HHAT: variants seen among roughly 807,000 people sequenced by gnomAD.
The protein encoded by HHAT is protein-cysteine N-palmitoyltransferase HHAT.
HHAT carries 47 observed loss-of-function variants against 70.8 expected under a neutral mutation model. The ratio of observed to expected loss-of-function variants is 0.66; its 90% CI spans 0.53 to 0.85. The LOEUF is 0.85. Ranked by LOEUF, HHAT falls within the 40% of genes least tolerant of loss-of-function variation. The probability of loss-of-function intolerance (pLI) is 0.00; values close to 1 mark genes in which losing one functional copy is unlikely to be tolerated. For missense variants in HHAT, 609 were observed against 604.8 expected, an observed-to-expected ratio of 1.01 and a Z score of -0.07; for synonymous variants, 228 against 247.6, an observed-to-expected ratio of 0.92 and a Z score of 0.74.
rs146187564 is a variant in HHAT at position 210,418,243 on chromosome 1, C to G, written c.774C>G (p.Ala258=). 2.5e-6 allele frequency: 4 copies of G among 1,613,936 alleles called. No homozygotes were observed. Among genetic ancestry groups the G allele is most frequent in the Non-Finnish European group, 3.4e-6 (4 of 1,179,950 alleles). ...LGRLLCWWWL[A]ELMAHLMYMH... Reference sequence around the variant, plus strand: ...GCCTTCTTTGCTGGTGGTGGCTGGCCGAGCTGATGGCTCACCTGATGTACA... The same window carrying G: ...GCCTTCTTTGCTGGTGGTGGCTGGCGGAGCTGATGGCTCACCTGATGTACA... Residue 258 remains alanine, a synonymous_variant, in exon 7 of 12, where the codon GCC becomes GCG. Coordinates refer to ENST00000261458, the MANE Select transcript of HHAT (RefSeq NM_018194.6).
intron 9 of HHAT, among the ~76,000 whole-genome samples, chr1:210,522,382 G>A (rs991850465): frequency 1.3e-5 from 2 of 152,130 alleles, no homozygotes; most frequent in Admixed American, 1.3e-4. Context: ...TGGTGTTCTT[G>A]TACTAAAGTG....
At chr1:210,484,357 T>G (rs2094442740) in intron 8 of HHAT, among the ~76,000 whole-genome samples, 1 of 152,180 alleles carries the variant, frequency 6.6e-6, no homozygotes, top group Admixed American at 6.5e-5. Flanking sequence ...GCAGGAATAC[T>G]ACATAAGAAG....
intron 9 of HHAT, among the ~76,000 whole-genome samples, chr1:210,535,358 G>A (rs772956460): frequency 4.6e-4 from 70 of 152,092 alleles, no homozygotes; most frequent in Non-Finnish European, 8.7e-4. Flanking sequence ...TTGTAAGGTT[G>A]ATTACTAGCC....
intron 8 of HHAT, among the ~76,000 whole-genome samples, chr1:210,472,208 G>A (rs1483045077): frequency 6.6e-6 from 1 of 152,182 alleles, no homozygotes; most frequent in East Asian, 1.9e-4. Context: ...CACACGGCTT[G>A]TTCCCACTTC....
chr1:210,417,002 C>G (rs1221295201), intron 6 of HHAT, among the ~76,000 whole-genome samples: 1 of 152,186 alleles, frequency 6.6e-6, no homozygotes. Flanking sequence ...GATCCTCTGA[C>G]TCTAAAGTCC....
intron 11 of HHAT, among the ~76,000 whole-genome samples, chr1:210,641,894 C>T (rs1320141274): frequency 1.3e-5 from 2 of 152,178 alleles, no homozygotes; most frequent in Admixed American, 6.5e-5. Context: ...CTTCTTACAC[C>T]CTCTTCCACA....
chr1:210,500,084 A>G (rs965547487), intron 8 of HHAT, among the ~76,000 whole-genome samples: 1 of 152,212 alleles, frequency 6.6e-6, no homozygotes, highest in African/African-American at 2.4e-5. Flanking sequence ...CAGTTAAGCA[A>G]CTTTTCAAAG....
chr1:210,425,487 T>C (rs1486230402), intron 7 of HHAT, among the ~76,000 whole-genome samples: 5 of 152,156 alleles, frequency 3.3e-5, no homozygotes, highest in African/African-American at 9.7e-5. Flanking sequence ...TTTACATTTA[T>C]GTCTTTAATC....
rs2084741648 is a variant in HHAT, at chr1:210,328,995, C to T, written c.-153C>T. The T allele has an allele frequency of 2.2e-6, 3 of 1,369,588 alleles. No individual in the cohort carries two copies. The highest frequency in any genetic ancestry group is 3.5e-5 in the South Asian group (2 of 57,920). The allele number at this position is 1,369,588 out of a possible 1,614,324, so 84.8% of individuals were successfully genotyped here. A position where few individuals can be genotyped will look rare whatever the true frequency, so the allele number is the denominator to read the frequency against. On this transcript the variant is annotated 5_prime_UTR_variant, in exon 1 of 12. Coordinates refer to ENST00000261458, the MANE Select transcript of HHAT (RefSeq NM_018194.6). ...GAAAGAGGGTGGCGTCCCGGGGAAG[C>T]CCGCAGCCGCCGCCGATGTCGCTGG... is the stretch of plus-strand genomic sequence containing the variant.
intron 8 of HHAT, among the ~76,000 whole-genome samples, chr1:210,501,681 A>G (rs2094757807): frequency 6.6e-6 from 1 of 152,130 alleles, no homozygotes; most frequent in Admixed American, 6.5e-5. Flanking sequence ...TTTTCCCTTC[A>G]GTTCTTATGA....
intron 11 of HHAT, among the ~76,000 whole-genome samples, chr1:210,644,095 G>A (rs970510961): frequency 2.0e-5 from 3 of 152,080 alleles, no homozygotes; most frequent in Non-Finnish European, 4.4e-5. Flanking sequence ...AAAAGATGTT[G>A]GAGGAGAGAC....
Position 210,513,155 on chromosome 1 carries a change from AT to A in HHAT, c.1014del (p.Phe338LeufsTer9). The A allele has an allele frequency of 6.5e-7, 1 of 1,531,998 alleles. No homozygotes were observed. Among genetic ancestry groups the A allele is most frequent in the Non-Finnish European group, 9.0e-7 (1 of 1,109,824 alleles). The allele number at this position is 1,531,998 out of a possible 1,614,324, so 94.9% of individuals were successfully genotyped here. A position where few individuals can be genotyped will look rare whatever the true frequency, so the allele number is the denominator to read the frequency against. On this transcript the variant is annotated frameshift_variant, in exon 9 of 12. Transcript: ENST00000261458. LOFTEE classifies it high-confidence loss of function. Reference sequence around the variant, plus strand: ...TTGTCTATGTCTCTTTTGAACAGGTATTTTGATGTTGGACTGCATAATTTCT... The same window carrying A: ...TTGTCTATGTCTCTTTTGAACAGGTATTTGATGTTGGACTGCATAATTTCT... ...TMFSFTGMWRYFDVGLHNFLI... is the reference protein window; with the variant it reads ...TMFSFTGMWRXFDVGLHNFLI...
intron 8 of HHAT, among the ~76,000 whole-genome samples, chr1:210,496,122 C>T (rs1426445625): frequency 8.8e-5 from 12 of 135,852 alleles, no homozygotes; most frequent in African/African-American, 1.9e-4. Flanking sequence ...TATATACTTG[C>T]GTTAGTTATC....
intron 10 of HHAT, among the ~76,000 whole-genome samples, chr1:210,603,817 C>T (rs1027463407): frequency 2.6e-5 from 4 of 152,134 alleles, no homozygotes; most frequent in African/African-American, 9.7e-5. Context: ...CTTTAAAAAG[C>T]CTTTCGAGCA....
chr1:210,638,737 A>AAAAAAAAT (rs1672412111), intron 11 of HHAT, among the ~76,000 whole-genome samples: 3 of 151,342 alleles, frequency 2.0e-5, no homozygotes, highest in Non-Finnish European at 2.9e-5. Flanking sequence ...AAAAAAAAAA[A>AAAAAAAAT]AAAAAAAAAT....
intron 1 of HHAT, among the ~76,000 whole-genome samples, chr1:210,334,695 ATT>A (rs545993287): frequency 5.6e-5 from 8 of 144,104 alleles, no homozygotes; most frequent in African/African-American, 2.0e-4. Flanking sequence ...TTTTATTTTT[ATT>A]TTTTTTTTTG....
In HHAT at chr1:210,396,974, T is replaced by C. The variant is rs561184044; in HGVS notation, c.274-3494T>C. ...GAGCTGTTCTGCATTTTTACCATGG[T>C]AGATACCAAACCTATACATGTGATA... On this transcript the variant is annotated intron_variant, in intron 4 of 11. Coordinates refer to ENST00000261458, the MANE Select transcript of HHAT (RefSeq NM_018194.6). Among the ~76,000 whole-genome samples the C allele has an allele frequency of 1.7e-4, 26 of 152,318 alleles. No homozygotes were observed. In the South Asian group the frequency reaches 5.4e-3, roughly 32 times the overall value.
intron 10 of HHAT, among the ~76,000 whole-genome samples, chr1:210,599,961 C>T (rs757808939): frequency 1.1e-4 from 17 of 152,130 alleles, no homozygotes; most frequent in African/African-American, 3.6e-4. Context: ...ATCCCTCTAG[C>T]CTCAGCTCCC....
intron 10 of HHAT, among the ~76,000 whole-genome samples, chr1:210,609,757 G>A (rs1336217093): frequency 6.6e-6 from 1 of 152,174 alleles, no homozygotes; most frequent in Non-Finnish European, 1.5e-5. Context: ...GTGAGAACAT[G>A]CGGTGCTTGG....
Sources: gnomAD v4.1 joint callset for allele counts (sites outside exome capture counted in the v4.1 genomes callset) on GRCh38, gnomAD v4.1.1 for gene constraint, MANE v1.5 for transcripts, NCBI Gene and HGNC (gene_info 2026-07-23, HGNC 2026-07-21) for gene names.